Variants in SESN1 observed in about 807,000 individuals in gnomAD.
SESN1 encodes sestrin 1, also known as sestrin-1.
Under a neutral mutation model 59.3 loss-of-function variants are expected in SESN1, and 30 were observed. The observed-to-expected ratio is 0.51, with a 90% CI of 0.38 to 0.69. The LOEUF (loss-of-function observed/expected upper bound fraction) is 0.69, where lower values mean the gene tolerates loss of function less well. SESN1 is among the 30% of genes least tolerant of loss of function. SESN1 has a pLI of 0.00. For missense variants in SESN1, 566 were observed against 673.0 expected (o/e 0.84, Z 1.76); for synonymous variants, 197 against 219.9 (o/e 0.90, Z 0.92).
chr6:109,003,679 T>C (rs534007315), intron 1 of SESN1, among the ~76,000 whole-genome samples: 1 of 152,328 alleles, frequency 6.6e-6, no homozygotes, highest in South Asian at 2.1e-4. Flanking sequence ...AGGAGGCACT[T>C]AATTCACTGG....
At position 108,992,798 on chromosome 6, in the gene SESN1, A is replaced by C; in HGVS notation, c.1222T>G (p.Phe408Val). The C allele has an allele frequency of 6.2e-7, 1 of 1,611,052 alleles. No individual in the cohort carries two copies. The highest frequency in any genetic ancestry group is 1.1e-5 in the South Asian group (1 of 90,984). ...FSRHGMHVPT[F>V]RVQDYCWEDH... is the part of the protein sequence containing the mutation. ...AGTTGCAATTTTACCTGGACACGAA[A>C]TGTTGGAACATGCATCCCATGTCTA... The change falls in exon 7 of 10, where the codon TTT becomes GTT. Residue 408 changes from phenylalanine (F) to valine (V), a missense_variant. Coordinates refer to ENST00000436639, the MANE Select transcript of SESN1 (RefSeq NM_014454.3).
intron 1 of SESN1, among the ~76,000 whole-genome samples, chr6:109,037,550 T>G (rs1780268380): frequency 6.6e-6 from 1 of 152,234 alleles, no homozygotes; most frequent in Non-Finnish European, 1.5e-5. Flanking sequence ...ATTTCAGAGC[T>G]AAAACAATTA....
intron 3 of SESN1, 71 bp downstream of exon 3, chr6:109,001,217 A>G (rs1446173186): frequency 4.7e-6 from 6 of 1,266,938 alleles, no homozygotes; most frequent in African/African-American, 4.5e-5. Flanking sequence ...CCTGTGTTTA[A>G]AGCATTAACT....
chr6:109,007,244 C>T (rs1779751848), intron 1 of SESN1, among the ~76,000 whole-genome samples: 1 of 152,162 alleles, frequency 6.6e-6, no homozygotes, highest in Non-Finnish European at 1.5e-5. Flanking sequence ...TATTGTATCA[C>T]TGTATGAATC....
At chr6:109,027,886 T>C (rs1780120080) in intron 1 of SESN1, among the ~76,000 whole-genome samples, 1 of 152,110 alleles carries the variant, frequency 6.6e-6, no homozygotes, top group South Asian at 2.1e-4. Flanking sequence ...TTGTGAAGTA[T>C]CAGTTCAAAC....
intron 1 of SESN1, among the ~76,000 whole-genome samples, chr6:109,015,338 G>A: frequency 6.6e-6 from 1 of 152,072 alleles, no homozygotes; most frequent in Non-Finnish European, 1.5e-5. Context: ...GCACTACCAG[G>A]CTAGCAGCTA....
intron 1 of SESN1, among the ~76,000 whole-genome samples, chr6:109,032,620 G>T (rs768229870): frequency 7.9e-6 from 1 of 126,120 alleles, no homozygotes; most frequent in Non-Finnish European, 1.5e-5. Context: ...TTCATCTCGT[G>T]GGGGGAGTGG....
intron 1 of SESN1, among the ~76,000 whole-genome samples, chr6:109,023,356 T>C (rs975198401): frequency 2.0e-5 from 3 of 152,220 alleles, no homozygotes; most frequent in Non-Finnish European, 4.4e-5. Flanking sequence ...GAACAAAAGT[T>C]TGTAAATGTT....
intron 1 of SESN1, among the ~76,000 whole-genome samples, chr6:109,092,581 A>T (rs2114486481): frequency 6.6e-6 from 1 of 152,328 alleles, no homozygotes; most frequent in South Asian, 2.1e-4. Context: ...ACACACAAAA[A>T]TACAAAAACT....
rs145326097 is a variant in SESN1, at chr6:109,037,043, T to A, written c.280-34700A>T. The stretch of plus-strand genomic sequence containing the variant: ...TACAGGGCCCCCGCCCATAATGTGC[T>A]GCCAAAATATAGCTGTTATATTCCT... On this transcript the variant is annotated intron_variant, in intron 1 of 9. Coordinates refer to ENST00000436639, the MANE Select transcript of SESN1 (RefSeq NM_014454.3). Among the ~76,000 whole-genome samples the A allele has an allele frequency of 5.3e-4, 81 of 152,296 alleles. 1 individual carries two copies. The highest frequency in any genetic ancestry group is 1.9e-3 in the African/African-American group (80 of 41,576).
chr6:108,998,773 AAAG>A lies in SESN1; in HGVS notation c.730-21_730-19del, dbSNP rs759830085. 6.3e-7 allele frequency: 1 copy of A among 1,592,666 alleles called. No homozygotes were observed. Among genetic ancestry groups the A allele is most frequent in the Non-Finnish European group, 8.6e-7 (1 of 1,168,168 alleles). ...AAAAGTCCCTTAGGGGGAAAAAAAA[AAAG>A]AATATATTTTTGTACTGGGGTGTGG... On this transcript the variant is annotated intron_variant, in intron 4 of 9. Coordinates refer to ENST00000436639, the MANE Select transcript of SESN1 (RefSeq NM_014454.3).
chr6:109,047,615 C>A (rs1276011338), intron 1 of SESN1, among the ~76,000 whole-genome samples: 35 of 132,494 alleles, frequency 2.6e-4, no homozygotes, highest in South Asian at 8.2e-4. Flanking sequence ...TCATTGAGAA[C>A]GGGCCAGGAT....
chr6:109,071,433 T>C (rs923252995), intron 1 of SESN1, among the ~76,000 whole-genome samples: 4 of 152,134 alleles, frequency 2.6e-5, no homozygotes, highest in African/African-American at 9.6e-5. Context: ...TCCTTTTATC[T>C]TCATTTTGCT....
chr6:109,055,661 CAA>C (rs577017689), intron 1 of SESN1, among the ~76,000 whole-genome samples: 804 of 51,236 alleles, frequency 0.016, 6 homozygotes, highest in African/African-American at 0.043. Context: ...GACTCCACCT[CAA>C]AAAAAAAAAA....
At chr6:109,074,469 A>G (rs1052845743) in intron 1 of SESN1, among the ~76,000 whole-genome samples, 2 of 152,194 alleles carry the variant, frequency 1.3e-5, no homozygotes, top group Admixed American at 1.3e-4. Flanking sequence ...TCAACATTGT[A>G]TTCAGTGGGT....
At chr6:109,025,462 A>G (rs1045625799) in intron 1 of SESN1, among the ~76,000 whole-genome samples, 1 of 151,464 alleles carries the variant, frequency 6.6e-6, no homozygotes, top group Admixed American at 6.6e-5. Flanking sequence ...AAAAGATGCC[A>G]TTAGTGAGGA....
At chr6:109,025,011 A>C (rs1780069067) in intron 1 of SESN1, among the ~76,000 whole-genome samples, 1 of 152,146 alleles carries the variant, frequency 6.6e-6, no homozygotes, top group African/African-American at 2.4e-5. Context: ...GTGAGCACTA[A>C]GGCTGGCAGC....
At chr6:109,050,170 C>G (rs1269284321) in intron 1 of SESN1, among the ~76,000 whole-genome samples, 2 of 152,158 alleles carry the variant, frequency 1.3e-5, no homozygotes, top group Non-Finnish European at 2.9e-5. Context: ...TTGCTCTACT[C>G]ACAATGGAAG....
chr6:109,079,595 C>T (rs1172006000), intron 1 of SESN1, among the ~76,000 whole-genome samples: 2 of 152,056 alleles, frequency 1.3e-5, no homozygotes, highest in Non-Finnish European at 2.9e-5. Flanking sequence ...TAATTTAAAA[C>T]ATATAAGCAA....
Sources: gnomAD v4.1 joint callset for allele counts (sites outside exome capture counted in the v4.1 genomes callset) on GRCh38, gnomAD v4.1.1 for gene constraint, MANE v1.5 for transcripts, NCBI Gene and HGNC (gene_info 2026-07-23, HGNC 2026-07-21) for gene names.